Variants in ITFG2 observed in about 807,000 individuals in gnomAD.
ITFG2 encodes the protein KICSTOR complex protein ITFG2.
Under a neutral mutation model 54.4 loss-of-function variants are expected in ITFG2, and 36 were observed. The observed-to-expected ratio is 0.66, with a 90% CI of 0.51 to 0.87. The LOEUF (loss-of-function observed/expected upper bound fraction) is 0.87, where lower values mean the gene tolerates loss of function less well. Among genes scored for constraint, ITFG2 ranks in the 40% least tolerant of loss-of-function variants. The pLI is 0.00. For missense variants in ITFG2, 524 were observed against 576.7 expected, an observed-to-expected ratio of 0.91 and a Z score of 0.94; for synonymous variants, 211 against 225.4, an observed-to-expected ratio of 0.94 and a Z score of 0.57.
At chr12:2,846,099 G>A (rs890986419) in intron 2 of ITFG2, among the ~76,000 whole-genome samples, 3 of 152,144 alleles carry the variant, frequency 2.0e-5, no homozygotes, top group Admixed American at 6.5e-5. Flanking sequence ...GCTAGGGGGC[G>A]CCAGAAGCCT....
chr12:2,818,459 A>C, intron 4 of ITFG2, 182 bp downstream of exon 4: 1 of 1,291,126 alleles, frequency 7.7e-7, no homozygotes, highest in Non-Finnish European at 1.1e-6. Context: ...GAATAAATAG[A>C]CAAAAATTGC....
Position 2,845,729 on chromosome 12 carries a change from A to G in ITFG2, n.300+4734A>G, listed in dbSNP as rs2098051810. Among the ~76,000 whole-genome samples, 1 of 152,104 alleles carries G rather than the reference A, an allele frequency of 6.6e-6. No homozygotes were observed. Among genetic ancestry groups the G allele is most frequent in the East Asian group, 1.9e-4 (1 of 5,178 alleles). ...GGTGAAAGAGTGGATCTTTAGGCAG[A>G]TACAGATACAGAGATTCCCCCCACC... On this transcript the variant is annotated intron_variant and non_coding_transcript_variant, in intron 2 of 3. Coordinates refer to the ITFG2 transcript ENST00000537710. The surrounding 1 kb of genome is among the most constrained non-coding windows in gnomAD (Gnocchi z 4.2).
At chr12:2,828,934 C>T (rs932882760), downstream of ITFG2, among the ~76,000 whole-genome samples, 6 of 151,980 alleles carry the variant, frequency 3.9e-5, no homozygotes, top group East Asian at 1.9e-4. Context: ...GGACCAGGTG[C>T]GGTGGCTCAT....
At chr12:2,850,341 G>A (rs2153928392) in intron 2 of ITFG2, among the ~76,000 whole-genome samples, 2 of 152,072 alleles carry the variant, frequency 1.3e-5, no homozygotes, top group East Asian at 3.9e-4. Flanking sequence ...AGACATGGTG[G>A]CAGGCACCTG....
chr12:2,825,800 T>A (rs1404736630), downstream of ITFG2: 1 of 152,286 alleles, frequency 6.6e-6, no homozygotes, highest in Non-Finnish European at 1.5e-5. Flanking sequence ...TCTCACTCCT[T>A]CACCCAGGCT....
chr12:2,853,613 G>T (rs56263422), intron 2 of ITFG2, among the ~76,000 whole-genome samples: 7,526 of 113,908 alleles, frequency 0.066, 586 homozygotes, highest in African/African-American at 0.21. Context: ...TTTTGTTTTT[G>T]TTTTTTTTTC....
intron 1 of ITFG2, among the ~76,000 whole-genome samples, chr12:2,814,137 G>A (rs1469624833): frequency 6.6e-6 from 1 of 152,048 alleles, no homozygotes; most frequent in African/African-American, 2.4e-5. Context: ...TAGAGATGAG[G>A]TCTCACTGTG....
At chr12:2,821,000 C>T (rs1047012316) in intron 6 of ITFG2, 128 bp downstream of exon 6, 1 of 989,410 alleles carries the variant, frequency 1.0e-6, no homozygotes, top group Middle Eastern at 2.2e-4. Flanking sequence ...AACCCAAGCA[C>T]CTTTGCCCCA....
Position 2,842,567 on chromosome 12 carries a change from C to T in ITFG2, n.300+1572C>T, listed in dbSNP as rs546880276. Among the ~76,000 whole-genome samples the T allele has an allele frequency of 1.3e-4, 20 of 152,016 alleles. No individual in the cohort carries two copies. The East Asian group carries it at 3.9e-3, about 30-fold the overall frequency. Reference sequence around the variant, plus strand: ...TGTGGGCAACATAGTGAGAGCTCGTCGCTACAAAAAAAAATTCAGCCAGGC... The same window carrying T: ...TGTGGGCAACATAGTGAGAGCTCGTTGCTACAAAAAAAAATTCAGCCAGGC... On this transcript the variant is annotated intron_variant and non_coding_transcript_variant, in intron 2 of 3. Coordinates refer to the ITFG2 transcript ENST00000537710.
At chr12:2,843,118 C>G (rs2098045384) in intron 2 of ITFG2, among the ~76,000 whole-genome samples, 1 of 152,178 alleles carries the variant, frequency 6.6e-6, no homozygotes, top group African/African-American at 2.4e-5. Context: ...TAAGGAAATT[C>G]CCGGAATATT....
intron 2 of ITFG2, among the ~76,000 whole-genome samples, chr12:2,853,463 G>A (rs2098077531): frequency 6.6e-6 from 1 of 152,020 alleles, no homozygotes; most frequent in South Asian, 2.1e-4. Flanking sequence ...AGTAGAGACG[G>A]GGTTTCACCA....
intron 2 of ITFG2, chr12:2,830,450 A>G (rs138623527): frequency 7.4e-6 from 3 of 406,576 alleles, no homozygotes; most frequent in Non-Finnish European, 1.3e-5. Context: ...ACTGAGGAGT[A>G]CTTACTTAAT....
downstream of ITFG2, chr12:2,830,926 C>T: frequency 1.9e-6 from 3 of 1,554,930 alleles, no homozygotes; most frequent in Non-Finnish European, 2.6e-6. Context: ...TGCTCAGTTA[C>T]CCCACTTAGA....
At chr12:2,813,218 G>A (rs954888811) in intron 1 of ITFG2, among the ~76,000 whole-genome samples, 1 of 152,188 alleles carries the variant, frequency 6.6e-6, no homozygotes, top group African/African-American at 2.4e-5. Context: ...TGTGTTTTTA[G>A]TAGAGGTGGG....
In ITFG2 at chr12:2,823,811, G is replaced by T. The variant is rs147278141; in HGVS notation, c.1108G>T (p.Val370Leu). 3.4e-5 allele frequency: 55 copies of T among 1,602,376 alleles called. No individual in the cohort carries two copies. In the African/African-American group the frequency reaches 6.4e-4, roughly 19 times the overall value. The stretch of plus-strand genomic sequence containing the variant: ...AGAGGGCCGCAACAGCCCCTGCCTC[G>T]TATATGTCACTTTCAACCAGAAGAT... ...CKEGRNSPCL[V>L]YVTFNQKIYV... Residue 370 changes from valine to leucine, a missense_variant, in exon 11 of 12, where the codon GTA becomes TTA. Physicochemically the swap from Val to Leu is conservative, Grantham distance 32. Transcript: ENST00000228799.
At chr12:2,853,547 A>G (rs1007218500) in intron 2 of ITFG2, among the ~76,000 whole-genome samples, 1 of 151,714 alleles carries the variant, frequency 6.6e-6, no homozygotes, top group Non-Finnish European at 1.5e-5. Context: ...TGCTGGGATT[A>G]CAGGCGTGAG....
At position 2,815,023 on chromosome 12, in the gene ITFG2, G is replaced by A. The variant is rs529058276; in HGVS notation, c.96+2167G>A. 4.6e-5 allele frequency among the ~76,000 whole-genome samples: 7 copies of A among 151,574 alleles called. No homozygotes were observed. The East Asian group carries it at 1.4e-3, about 29-fold the overall frequency. On this transcript the variant is annotated intron_variant, in intron 1 of 11. Transcript: ENST00000228799. ...AGTTTCACTCTTATTGTCCAGGCTG[G>A]AGTGCAGTGACACAATCTCGGCTCA... is the stretch of plus-strand genomic sequence containing the variant.
At chr12:2,858,838 C>T in intron 3 of ITFG2, 2 of 1,614,146 alleles carry the variant, frequency 1.2e-6, no homozygotes, top group Non-Finnish European at 8.5e-7. Context: ...TTGGGGACGT[C>T]TATATCTGAG....
At chr12:2,814,271 G>A (rs764195349) in intron 1 of ITFG2, among the ~76,000 whole-genome samples, 3 of 152,156 alleles carry the variant, frequency 2.0e-5, no homozygotes, top group Non-Finnish European at 4.4e-5. Context: ...AATTGACAAA[G>A]CACCTTCAGA....
Sources: allele counts gnomAD v4.1 joint callset (sites outside exome capture counted in the v4.1 genomes callset), GRCh38; gene constraint gnomAD v4.1.1; non-coding constraint Gnocchi (gnomAD v3.1); transcripts MANE v1.5; gene names NCBI Gene and HGNC (gene_info 2026-07-23, HGNC 2026-07-21).